The following HYPK variants were observed in gnomAD, a reference collection of about 807,000 sequenced individuals.
HYPK encodes the protein huntingtin-interacting protein K.
In HYPK, 9 loss-of-function variants were observed where a neutral mutation model predicts 13.9. The ratio of observed to expected loss-of-function variants is 0.65; its 90% CI spans 0.39 to 1.13. The LOEUF is 1.13. Ranked by LOEUF, HYPK falls within the 50% of genes most tolerant of loss-of-function variation. HYPK has a pLI of 0.01. For synonymous variants in HYPK, 76 were observed against 57.0 expected, an observed-to-expected ratio of 1.33 and a Z score of -1.50; for missense variants, 138 against 157.6, an observed-to-expected ratio of 0.88 and a Z score of 0.67.
chr15:43,800,607 G>A lies in HYPK; in HGVS notation c.-16G>A, dbSNP rs748030165. ...GGCGTGAGGTGGGGCTTATGCGGCG[G>A]CGTGGTGAAATAGATATGGCGACCG... On this transcript the variant is annotated 5_prime_UTR_variant, in exon 1 of 4. Transcript: ENST00000442995. The A allele has an allele frequency of 6.2e-7, 1 of 1,614,074 alleles. No homozygotes were observed. Among genetic ancestry groups the A allele is most frequent in the Non-Finnish European group, 8.5e-7 (1 of 1,179,996 alleles).
intron 2 of HYPK, 111 bp downstream of exon 2, chr15:43,801,298 C>A: frequency 9.7e-7 from 1 of 1,032,004 alleles, no homozygotes; most frequent in South Asian, 1.4e-5. Flanking sequence ...ATCACCAATT[C>A]CTGCAGATCT....
Position 43,801,915 on chromosome 15 carries a change from A to C in HYPK, c.*109A>C. 1.2e-6 allele frequency: 1 copy of C among 815,424 alleles called. No individual in the cohort carries two copies. Among genetic ancestry groups the C allele is most frequent in the Non-Finnish European group, 2.0e-6 (1 of 500,110 alleles). The allele number at this position is 815,424 out of a possible 1,614,324, so 50.5% of individuals were successfully genotyped here. A position where few individuals can be genotyped will look rare whatever the true frequency, so the allele number is the denominator to read the frequency against. ...TCAAGTAGAGTGTATACTATATCCT[A>C]TGTTGTGGAGAATTTATATGTTGGA... On this transcript the variant is annotated 3_prime_UTR_variant, in exon 4 of 4. Coordinates refer to ENST00000442995, the MANE Select transcript of HYPK (RefSeq NM_016400.4).
At chr15:43,801,374 G>A in intron 2 of HYPK, 144 bp from the exon 3 acceptor site, 1 of 859,438 alleles carries the variant, frequency 1.2e-6, no homozygotes, top group Non-Finnish European at 1.8e-6. Flanking sequence ...AAGACTCCAG[G>A]GGAAAGGAGT....
chr15:43,800,601 G>T lies in HYPK; in HGVS notation c.-22G>T. On this transcript the variant is annotated 5_prime_UTR_variant, in exon 1 of 4. It removes an upstream start codon present in the reference 5' UTR. Transcript: ENST00000442995. ...GAAGTCGGCGTGAGGTGGGGCTTAT[G>T]CGGCGGCGTGGTGAAATAGATATGG... The T allele has an allele frequency of 6.2e-7, 1 of 1,613,904 alleles. No homozygotes were observed. Among genetic ancestry groups the T allele is most frequent in the Admixed American group, 1.7e-5 (1 of 59,966 alleles).
intron 1 of HYPK, 92 bp downstream of exon 1, chr15:43,800,876 T>G: frequency 1.6e-6 from 2 of 1,255,446 alleles, no homozygotes; most frequent in South Asian, 1.5e-5. Flanking sequence ...GACGGGGTTC[T>G]GATCCCGTTG....
chr15:43,800,660 C>T lies in HYPK; in HGVS notation c.38C>T (p.Thr13Ile). ...GGGGATGTGGAGCTGGAGTTGGAGA[C>T]TGAGACCAGTGGACCAGAGCGGCCT... is the stretch of plus-strand genomic sequence containing the variant. ...TEGDVELELETETSGPERPPE... is the reference protein window; with the variant it reads ...TEGDVELELEIETSGPERPPE... Residue 13 changes from threonine to isoleucine, a missense_variant, in exon 1 of 4, where the codon ACT becomes ATT. Around this residue, in one of 3 missense-constraint regions of HYPK, gnomAD observed 43 missense variants for 30.4 expected, o/e 1.41. Transcript: ENST00000442995. 6.2e-7 allele frequency: 1 copy of T among 1,614,106 alleles called. No homozygotes were observed. The highest frequency in any genetic ancestry group is 8.5e-7 in the Non-Finnish European group (1 of 1,180,026).
At chr15:43,801,685 C>G in intron 3 of HYPK, 26 bp from the exon 4 acceptor site, 1 of 1,613,058 alleles carries the variant, frequency 6.2e-7, no homozygotes, top group Non-Finnish European at 8.5e-7. Context: ...GCCTGGGAAC[C>G]TATGTAACAT....
In HYPK at chr15:43,803,999, A is replaced by T. The variant is rs2087344907; in HGVS notation, c.*2193A>T. 2.6e-5 allele frequency among the ~76,000 whole-genome samples: 4 copies of T among 151,552 alleles called. No individual in the cohort carries two copies. The South Asian group carries it at 8.4e-4, about 32-fold the overall frequency. ...AACCCCGTCTCTACTAAAAATACAA[A>T]AATTAGCCAGGCATGGTGGCAGGCG... On this transcript the variant is annotated 3_prime_UTR_variant, in exon 4 of 4. Coordinates refer to ENST00000442995, the MANE Select transcript of HYPK (RefSeq NM_016400.4).
rs895751570 is a variant in HYPK at position 43,802,066 on chromosome 15, A to C, written c.*260A>C. On this transcript the variant is annotated 3_prime_UTR_variant, in exon 4 of 4. Coordinates refer to ENST00000442995, the MANE Select transcript of HYPK (RefSeq NM_016400.4). ...CTCATTCATCTGACTAGCTCTCAAC[A>C]GTATTCAAGGTACATCTGGAGTCTC... 3.9e-5 allele frequency: 19 copies of C among 485,200 alleles called. No individual in the cohort carries two copies. The highest frequency in any genetic ancestry group is 7.1e-5 in the Non-Finnish European group (19 of 268,160). The allele number at this position is 485,200 out of a possible 1,614,324, so 30.1% of individuals were successfully genotyped here. A position where few individuals can be genotyped will look rare whatever the true frequency, so the allele number is the denominator to read the frequency against.
upstream of HYPK, chr15:43,800,493 A>G (rs1268066407): frequency 2.4e-6 from 3 of 1,260,384 alleles, no homozygotes; most frequent in African/African-American, 1.5e-5. Context: ...TCCTCCCTGA[A>G]GCTTCTAGAA....
intron 1 of HYPK, 123 bp downstream of exon 1, chr15:43,800,907 A>C: frequency 9.5e-7 from 1 of 1,051,004 alleles, no homozygotes; most frequent in Non-Finnish European, 1.4e-6. Flanking sequence ...GCAATAGGGT[A>C]GAGCCGAGGG....
At chr15:43,800,936 C>T in intron 1 of HYPK, 152 bp downstream of exon 1, 4 of 923,734 alleles carry the variant, frequency 4.3e-6, no homozygotes, top group Non-Finnish European at 6.5e-6. Context: ...GTCACCGGAG[C>T]GCGCCGCTTG....
At chr15:43,801,292 C>A (rs1463953770) in intron 2 of HYPK, 105 bp downstream of exon 2, 5 of 1,068,830 alleles carry the variant, frequency 4.7e-6, no homozygotes, top group Non-Finnish European at 7.1e-6. Flanking sequence ...AAATTTATCA[C>A]CAATTCCTGC....
At position 43,802,074 on chromosome 15, in the gene HYPK, A is replaced by G. The variant is rs1420522098; in HGVS notation, c.*268A>G. The stretch of plus-strand genomic sequence containing the variant: ...TCTGACTAGCTCTCAACAGTATTCA[A>G]GGTACATCTGGAGTCTCAGCAGAGT... On this transcript the variant is annotated 3_prime_UTR_variant, in exon 4 of 4. Coordinates refer to ENST00000442995, the MANE Select transcript of HYPK (RefSeq NM_016400.4). 8.7e-6 allele frequency: 4 copies of G among 460,258 alleles called. No individual in the cohort carries two copies. Among genetic ancestry groups the G allele is most frequent in the East Asian group, 4.0e-5 (1 of 24,896 alleles). 28.5% of individuals were successfully genotyped at this position (460,258 alleles called of 1,614,324 possible).
At position 43,802,569 on chromosome 15, in the gene HYPK, C is replaced by CAAAAAAAAAAGAAA. The variant is rs2087330296; in HGVS notation, c.*773_*774insGAAAAAAAAAAAAA. ...TGGGGGAAAGAGTGAAACTCCATCT[C>CAAAAAAAAAAGAAA]AAAAAAAAAAAAAAAAAAAAAAGCC... On this transcript the variant is annotated 3_prime_UTR_variant, in exon 4 of 4. Transcript: ENST00000442995. The CAAAAAAAAAAGAAA allele has an allele frequency of 3.5e-5, 1 of 28,972 alleles. No individual in the cohort carries two copies. The highest frequency in any genetic ancestry group is 5.9e-5 in the Non-Finnish European group (1 of 17,046). 1.8% of individuals were successfully genotyped at this position (28,972 alleles called of 1,614,324 possible).
chr15:43,800,834 T>C (rs777188556), intron 1 of HYPK, 50 bp downstream of exon 1: 59 of 1,501,650 alleles, frequency 3.9e-5, no homozygotes, highest in East Asian at 2.3e-5. Flanking sequence ...AGAGGGGGGC[T>C]CTGAGGCTGT....
rs1362561683 is a variant in HYPK, at chr15:43,803,937, G to A, written c.*2131G>A. On this transcript the variant is annotated 3_prime_UTR_variant, in exon 4 of 4. Coordinates refer to ENST00000442995, the MANE Select transcript of HYPK (RefSeq NM_016400.4). ...TGGGAGGCTGAGGCGGGCGGATCGC[G>A]AAGTGAAGATCAAGACCATCCTGGC... is the stretch of plus-strand genomic sequence containing the variant. 6.6e-6 allele frequency among the ~76,000 whole-genome samples: 1 copy of A among 151,920 alleles called. No homozygotes were observed. The highest frequency in any genetic ancestry group is 6.6e-5 in the Admixed American group (1 of 15,238).
rs1200296239 is a variant in HYPK at position 43,803,769 on chromosome 15, CAA to C, written c.*1964_*1965del. On this transcript the variant is annotated 3_prime_UTR_variant, in exon 4 of 4. Coordinates refer to ENST00000442995, the MANE Select transcript of HYPK (RefSeq NM_016400.4). ...CGCCACTGCACTCCAGACTGGGCAA[CAA>C]GAGTGAAACTCCATCTCAAAAAAAA... Among the ~76,000 whole-genome samples the C allele has an allele frequency of 2.5e-5, 3 of 117,918 alleles. No homozygotes were observed. The highest frequency in any genetic ancestry group is 2.5e-4 in the East Asian group (1 of 4,044). The allele number at this position is 117,918 out of a possible 152,430, so 77.4% of individuals were successfully genotyped here.
In HYPK at chr15:43,801,774, G is replaced by T; in HGVS notation, c.334G>T (p.Val112Leu). 6.2e-7 allele frequency: 1 copy of T among 1,614,234 alleles called. No homozygotes were observed. ...CAGTTTGCGGGAACACATGGGCAAC[G>T]TGGTAGAGGCGCTTATTGCCCTAAC... Reference protein sequence around the residue: ...ERSLREHMGNVVEALIALTN With the variant: ...ERSLREHMGNLVEALIALTN The change falls in exon 4 of 4, where the codon GTG (valine) becomes TTG (leucine). Residue 112 changes from valine (V) to leucine (L), a missense_variant. Val to Leu is a conservative substitution (Grantham distance 32). Around this residue, in one of 3 missense-constraint regions of HYPK, gnomAD observed 91 missense variants for 96.8 expected, o/e 0.94. Transcript: ENST00000442995.
Sources: gnomAD v4.1 joint callset for allele counts (sites outside exome capture counted in the v4.1 genomes callset) on GRCh38, gnomAD v4.1.1 for gene constraint, gnomAD v4.1.1 regional missense constraint, MANE v1.5 for transcripts, NCBI Gene and HGNC (gene_info 2026-07-23, HGNC 2026-07-21) for gene names.